The following MRC2 variants were observed in gnomAD, a reference collection of about 807,000 sequenced individuals.
MRC2 encodes mannose receptor C-type 2.
A neutral mutation model predicts 206.2 loss-of-function variants in MRC2; 84 were observed. The ratio of observed to expected loss-of-function variants is 0.41; its 90% confidence interval spans 0.34 to 0.49. MRC2 has a LOEUF of 0.49. MRC2 is among the 20% of genes least tolerant of loss of function. The pLI is 0.31. For synonymous variants in MRC2, 798 were observed against 800.0 expected (o/e 1.00, Z 0.04); for missense variants, 1,676 against 2,001.5 (o/e 0.84, Z 3.10).
chr17:62,637,535 CA>C (rs61648461), intron 1 of MRC2, among the ~76,000 whole-genome samples: 21,639 of 136,536 alleles, frequency 0.16, 3,619 homozygotes, highest in African/African-American at 0.43. Flanking sequence ...GACTGTGTCT[CA>C]AAAAAAAAAA....
intron 1 of MRC2, among the ~76,000 whole-genome samples, chr17:62,629,149 A>C (rs942673226): frequency 6.6e-6 from 1 of 152,192 alleles, no homozygotes; most frequent in African/African-American, 2.4e-5. Context: ...TAACCCCCTA[A>C]CCCACTGCAG....
In MRC2 at chr17:62,692,336, T is replaced by C. The variant is rs1472277057; in HGVS notation, c.4325T>C (p.Ile1442Thr). 1 of 1,577,610 alleles carries C rather than the reference T, an allele frequency of 6.3e-7. No individual in the cohort carries two copies. ...ATCCTTTACCGGAGGCGCCAGAGCA[T>C]CGAGCGCGGGGCCTTTGAGGGTGCC... Reference protein sequence around the residue: ...ALILYRRRQSIERGAFEGARY... With the variant: ...ALILYRRRQSTERGAFEGARY... The change falls in exon 30 of 30, where the codon ATC (isoleucine) becomes ACC (threonine). Residue 1442 changes from isoleucine (I) to threonine (T), a missense_variant. Transcript: ENST00000303375. This position sits in a 1 kb window ranked among gnomAD's most constrained non-coding sequence, Gnocchi z 4.2.
intron 1 of MRC2, among the ~76,000 whole-genome samples, chr17:62,657,820 C>T (rs2088635790): frequency 6.6e-6 from 1 of 152,168 alleles, no homozygotes; most frequent in Non-Finnish European, 1.5e-5. Flanking sequence ...TGAGCGTGCA[C>T]TCCCCCTCCA....
intron 6 of MRC2, among the ~76,000 whole-genome samples, chr17:62,668,303 G>A (rs1167161613): frequency 2.0e-5 from 3 of 149,976 alleles, no homozygotes; most frequent in Admixed American, 6.7e-5. Flanking sequence ...AGTGAGCCTC[G>A]CTTGCACCAC....
intron 24 of MRC2, 40 bp downstream of exon 24, chr17:62,689,800 C>A: frequency 6.5e-7 from 1 of 1,530,138 alleles, no homozygotes; most frequent in Non-Finnish European, 8.8e-7. Flanking sequence ...CCAGCCTTGC[C>A]CGGGTTCCCC....
intron 1 of MRC2, among the ~76,000 whole-genome samples, chr17:62,638,575 C>G (rs2088356611): frequency 6.6e-6 from 1 of 151,464 alleles, no homozygotes; most frequent in South Asian, 2.1e-4. Flanking sequence ...CTGTCTCTAC[C>G]AAAAATATAA....
chr17:62,666,274 G>C lies in MRC2; in HGVS notation c.694+7G>C, dbSNP rs746637570. 1 of 1,564,894 alleles carries C rather than the reference G, an allele frequency of 6.4e-7. No individual in the cohort carries two copies. Among genetic ancestry groups the C allele is most frequent in the African/African-American group, 1.4e-5 (1 of 73,894 alleles). ...GGCTTCTGCCCCATCAAGAGTGAGA[G>C]CTGTTGGAGCCGTGGGGGCGGGGGC... On this transcript the variant is annotated splice_region_variant and intron_variant, in intron 3 of 29. Coordinates refer to ENST00000303375, the MANE Select transcript of MRC2 (RefSeq NM_006039.5). This position sits in a 1 kb window ranked among gnomAD's most constrained non-coding sequence, Gnocchi z 5.0.
chr17:62,669,141 C>T (rs1258592326), intron 6 of MRC2, among the ~76,000 whole-genome samples: 1 of 151,476 alleles, frequency 6.6e-6, no homozygotes, highest in Non-Finnish European at 1.5e-5. Flanking sequence ...TAACTACAGA[C>T]AGTAAAGAGT....
chr17:62,666,069 C>T lies in MRC2; in HGVS notation c.521-25C>T. On this transcript the variant is annotated intron_variant, in intron 2 of 29. Transcript: ENST00000303375. The surrounding 1 kb of genome is among the most constrained non-coding windows in gnomAD (Gnocchi z 5.0). ...GCCTCTGGTGTCCAGATGCCAAGGGCCTGGCCCCTGTCCACCCCCTGCAGA... is the reference window on the plus strand; with the variant it reads ...GCCTCTGGTGTCCAGATGCCAAGGGTCTGGCCCCTGTCCACCCCCTGCAGA... 2 of 1,564,724 alleles carry T rather than the reference C, an allele frequency of 1.3e-6. No individual in the cohort carries two copies. The highest frequency in any genetic ancestry group is 1.4e-5 in the African/African-American group (1 of 73,800).
chr17:62,651,165 C>A (rs2088551650), intron 1 of MRC2, among the ~76,000 whole-genome samples: 1 of 151,950 alleles, frequency 6.6e-6, no homozygotes, highest in Admixed American at 6.6e-5. Context: ...CTCACTGCAA[C>A]CTCCGCCTCC....
rs969621260 is a variant in MRC2 at position 62,652,365 on chromosome 17, G to T, written c.119-12183G>T. Among the ~76,000 whole-genome samples the T allele has an allele frequency of 4.6e-5, 7 of 152,262 alleles. No homozygotes were observed. Among genetic ancestry groups the T allele is most frequent in the African/African-American group, 1.7e-4 (7 of 41,470 alleles). On this transcript the variant is annotated intron_variant, in intron 1 of 29. Coordinates refer to ENST00000303375, the MANE Select transcript of MRC2 (RefSeq NM_006039.5). The surrounding 1 kb of genome is among the most constrained non-coding windows in gnomAD (Gnocchi z 4.6). Reference sequence around the variant, plus strand: ...GCACCTGCGTTATGGAGTGGTGGCCGCTGTCGGCGATGGGGTCCCCGCGAG... The same window carrying T: ...GCACCTGCGTTATGGAGTGGTGGCCTCTGTCGGCGATGGGGTCCCCGCGAG...
chr17:62,646,023 AT>A (rs34679697), intron 1 of MRC2, among the ~76,000 whole-genome samples: 1,665 of 106,348 alleles, frequency 0.016, 11 homozygotes, highest in African/African-American at 0.035. Context: ...GTCCTTTTCT[AT>A]TTTTTTTTTT....
intron 1 of MRC2, among the ~76,000 whole-genome samples, chr17:62,648,950 T>A (rs2088522967): frequency 6.6e-6 from 1 of 152,192 alleles, no homozygotes; most frequent in Admixed American, 6.5e-5. Context: ...GTAATGGCCT[T>A]CCATTACTCT....
chr17:62,690,551 A>C (rs1313101683), intron 26 of MRC2, 91 bp from the exon 27 acceptor site: 12 of 1,496,806 alleles, frequency 8.0e-6, no homozygotes, highest in Middle Eastern at 1.8e-4. Context: ...TCCTCTACTC[A>C]GGCTGCAGAG....
chr17:62,629,253 T>C (rs1232894420), intron 1 of MRC2, among the ~76,000 whole-genome samples: 1 of 151,970 alleles, frequency 6.6e-6, no homozygotes, highest in Non-Finnish European at 1.5e-5. Flanking sequence ...TGGGAAGGGG[T>C]GGGGAGGATG....
At position 62,680,559 on chromosome 17, in the gene MRC2, G is replaced by A. The variant is rs1598993137; in HGVS notation, c.2473+106G>A. 1.1e-5 allele frequency: 16 copies of A among 1,497,306 alleles called. No homozygotes were observed. In the East Asian group the frequency reaches 2.0e-4, roughly 19 times the overall value. 92.8% of individuals were successfully genotyped at this position (1,497,306 alleles called of 1,614,324 possible). ...TGAAATGGAGGGGATGAGGAGTTCC[G>A]GTCGAGAGAAGGGGGACGGGGTTGG... On this transcript the variant is annotated intron_variant, in intron 16 of 29. Coordinates refer to ENST00000303375, the MANE Select transcript of MRC2 (RefSeq NM_006039.5). The surrounding 1 kb of genome is among the most constrained non-coding windows in gnomAD (Gnocchi z 4.8).
Position 62,677,427 on chromosome 17 carries a change from C to A in MRC2, c.1993C>A (p.Leu665Ile). ...ELPGPDPTPSLTGSCPQGWAS... is the reference protein window; with the variant it reads ...ELPGPDPTPSITGSCPQGWAS... ...GCCGGGGCCAGATCCCACGCCCAGC[C>A]TCACTGGCTCCTGTCCCCAGGGCTG... The change falls in exon 12 of 30, where the codon CTC (leucine) becomes ATC (isoleucine). Residue 665 changes from leucine to isoleucine, a missense_variant. Leu to Ile is a conservative substitution (Grantham distance 5). This residue lies in a region of MRC2 where 1,354 missense variants were observed against 1,636.6 expected (regional missense o/e 0.83). Coordinates refer to ENST00000303375, the MANE Select transcript of MRC2 (RefSeq NM_006039.5). 1 of 1,611,910 alleles carries A rather than the reference C, an allele frequency of 6.2e-7. No individual in the cohort carries two copies. The highest frequency in any genetic ancestry group is 8.5e-7 in the Non-Finnish European group (1 of 1,179,508).
Position 62,688,923 on chromosome 17 carries a change from G to C in MRC2, c.3297G>C (p.Thr1099=). The part of the protein sequence containing the change: ...FTGRWDDRSC[T]EETHGFICQK... ...GCCGCTGGGACGATCGGAGCTGCAC[G>C]GAGGAGACCCATGGCTTCATCTGCC... is the stretch of plus-strand genomic sequence containing the variant. The change falls in exon 23 of 30, where the codon ACG becomes ACC. Residue 1099 remains threonine (T), a synonymous_variant. Transcript: ENST00000303375. 1 of 1,613,860 alleles carries C rather than the reference G, an allele frequency of 6.2e-7. No homozygotes were observed. Among genetic ancestry groups the C allele is most frequent in the Non-Finnish European group, 8.5e-7 (1 of 1,180,006 alleles).
At chr17:62,656,482 G>A (rs1411326191) in intron 1 of MRC2, among the ~76,000 whole-genome samples, 2 of 152,262 alleles carry the variant, frequency 1.3e-5, no homozygotes, top group East Asian at 1.9e-4. Context: ...ATGAGCCACT[G>A]TGCCCAGCAT....
Sources: gnomAD v4.1 joint callset for allele counts (sites outside exome capture counted in the v4.1 genomes callset) on GRCh38, gnomAD v4.1.1 for gene constraint, gnomAD v4.1.1 regional missense constraint, Gnocchi (gnomAD v3.1) non-coding constraint, MANE v1.5 for transcripts, NCBI Gene and HGNC (gene_info 2026-07-23, HGNC 2026-07-21) for gene names.